The following PURG variants were observed in gnomAD, a reference collection of about 807,000 sequenced individuals.
PURG encodes the protein purine rich element binding protein G.
Under a neutral mutation model 24.3 loss-of-function variants are expected in PURG, and 3 were observed. That is an observed-to-expected ratio of 0.12 (90% confidence interval 0.06 to 0.32). PURG has a LOEUF of 0.32. PURG is among the 10% of genes least tolerant of loss of function. The pLI, the probability that PURG is intolerant of heterozygous loss-of-function variation, is 1.00. For missense variants in PURG, 371 were observed against 439.1 expected (o/e 0.84, Z 1.39); for synonymous variants, 180 against 173.1 (o/e 1.04, Z -0.31).
Position 31,025,727 on chromosome 8 carries a change from T to C in PURG, c.864+6192A>G, listed in dbSNP as rs142170606. 1.2e-4 allele frequency among the ~76,000 whole-genome samples: 19 copies of C among 152,122 alleles called. No homozygotes were observed. In the East Asian group the frequency reaches 3.7e-3, roughly 29 times the overall value. On this transcript the variant is annotated intron_variant, in intron 1 of 1. Transcript: ENST00000339382. The stretch of plus-strand genomic sequence containing the variant: ...CTTGATGGGAATGAAAAGAGAATTA[T>C]GATTTTTGGGGACGGGTGCTCACAA...
chr8:31,027,483 A>C (rs1404417025), downstream of PURG, among the ~76,000 whole-genome samples: 1 of 151,760 alleles, frequency 6.6e-6, no homozygotes, highest in Non-Finnish European at 1.5e-5. Context: ...CATAAACCCA[A>C]ATTTAAAGGA....
At chr8:31,022,132 G>A (rs761952913) in intron 1 of PURG, among the ~76,000 whole-genome samples, 3 of 152,024 alleles carry the variant, frequency 2.0e-5, no homozygotes, top group Non-Finnish European at 4.4e-5. Flanking sequence ...CACCATGCCT[G>A]GCTAATTTTG....
intron 1 of PURG, among the ~76,000 whole-genome samples, chr8:31,008,407 G>T (rs553293527): frequency 3.3e-5 from 5 of 152,128 alleles, no homozygotes; most frequent in African/African-American, 1.2e-4. Flanking sequence ...GGGTTCAAGC[G>T]ATTCTCCTGA....
At chr8:31,009,190 C>G (rs1810717450) in intron 1 of PURG, among the ~76,000 whole-genome samples, 1 of 152,112 alleles carries the variant, frequency 6.6e-6, no homozygotes, top group Non-Finnish European at 1.5e-5. Flanking sequence ...TTTGGGAGGT[C>G]AAAATGGGTG....
chr8:30,999,504 G>A (rs1810494248), intron 1 of PURG, among the ~76,000 whole-genome samples: 1 of 151,760 alleles, frequency 6.6e-6, no homozygotes, highest in East Asian at 1.9e-4. Context: ...TAGAAAAACA[G>A]GAATTACCAG....
intron 1 of PURG, among the ~76,000 whole-genome samples, chr8:31,009,148 G>C (rs1385393470): frequency 6.6e-6 from 1 of 152,172 alleles, no homozygotes. Context: ...AATTCGGACA[G>C]GTGCAGTGGC....
downstream of PURG, among the ~76,000 whole-genome samples, chr8:31,025,896 C>A (rs1254340426): frequency 1.3e-5 from 2 of 151,924 alleles, no homozygotes; most frequent in Non-Finnish European, 2.9e-5. Context: ...AGTTTTTACT[C>A]ATTCCCCAAA....
At chr8:31,028,215 T>C (rs745400192), downstream of PURG, among the ~76,000 whole-genome samples, 7 of 151,866 alleles carry the variant, frequency 4.6e-5, no homozygotes. Flanking sequence ...AGACATCAAA[T>C]GTGAACTCTA....
chr8:31,021,420 T>C (rs2129826170), intron 1 of PURG, among the ~76,000 whole-genome samples: 1 of 152,294 alleles, frequency 6.6e-6, no homozygotes, highest in Middle Eastern at 3.4e-3. Flanking sequence ...AAATAGTTGA[T>C]CAAGATTAGA....
In PURG at chr8:31,032,746, G is replaced by A. The variant is rs566964162; in HGVS notation, c.37C>T (p.Arg13Cys). ...RARRRGGGGG[R>C]GRGGKNVGGS... ...CCTACATTCTTGCCTCCGCGGCCGC[G>A]GCCGCCGCCGCCTCCCCTTCGCCTG... The change falls in exon 2 of 2, where the codon CGC (arginine) becomes TGC (cysteine). Residue 13 changes from arginine (R) to cysteine (C), a missense_variant. Transcript: ENST00000523392. This position sits in a 1 kb window ranked among gnomAD's most constrained non-coding sequence, Gnocchi z 5.9. 4 of 1,436,408 alleles carry A rather than the reference G, an allele frequency of 2.8e-6. No individual in the cohort carries two copies. Among genetic ancestry groups the A allele is most frequent in the South Asian group, 1.6e-5 (1 of 63,368 alleles). The allele number at this position is 1,436,408 out of a possible 1,614,324, so 89.0% of individuals were successfully genotyped here. A position where few individuals can be genotyped will look rare whatever the true frequency, so the allele number is the denominator to read the frequency against.
chr8:30,996,408 T>C, exon 2 of PURG: 1 of 463,500 alleles, frequency 2.2e-6, no homozygotes, highest in Non-Finnish European at 3.8e-6. Flanking sequence ...AGTCGAAAGG[T>C]ACTTCAATGT....
At chr8:31,013,702 A>T (rs1810805010) in intron 1 of PURG, among the ~76,000 whole-genome samples, 1 of 152,218 alleles carries the variant, frequency 6.6e-6, no homozygotes, top group African/African-American at 2.4e-5. Context: ...GCGCCACTGC[A>T]CTCCAGCCTG....
intron 1 of PURG, among the ~76,000 whole-genome samples, chr8:31,002,469 T>A (rs376502997): frequency 1.8e-4 from 27 of 152,314 alleles, no homozygotes; most frequent in East Asian, 1.7e-3. Context: ...AATGATACCA[T>A]GTAAAATATT....
At chr8:31,028,340 T>C (rs1489739659), downstream of PURG, among the ~76,000 whole-genome samples, 1 of 151,776 alleles carries the variant, frequency 6.6e-6, no homozygotes, top group Non-Finnish European at 1.5e-5. Flanking sequence ...CACAAACATA[T>C]GCATGCACGG....
At chr8:30,999,287 T>C (rs996151283) in intron 1 of PURG, among the ~76,000 whole-genome samples, 1 of 151,928 alleles carries the variant, frequency 6.6e-6, no homozygotes, top group Non-Finnish European at 1.5e-5. Flanking sequence ...AAAGTTTGAA[T>C]ATTCTTTTTC....
chr8:31,027,781 T>G (rs549360923), downstream of PURG, among the ~76,000 whole-genome samples: 79 of 151,866 alleles, frequency 5.2e-4, no homozygotes, highest in Middle Eastern at 6.8e-3. Flanking sequence ...AACAGTTATC[T>G]AGTTTTCAAA....
intron 1 of PURG, among the ~76,000 whole-genome samples, chr8:30,999,769 A>G (rs1354324444): frequency 6.6e-6 from 1 of 152,004 alleles, no homozygotes; most frequent in Admixed American, 6.6e-5. Context: ...AAATATAATC[A>G]AGGAGATGAT....
At chr8:31,004,742 A>G (rs1370848684) in intron 1 of PURG, among the ~76,000 whole-genome samples, 1 of 152,226 alleles carries the variant, frequency 6.6e-6, no homozygotes, top group Non-Finnish European at 1.5e-5. Context: ...AAGTCAAAGC[A>G]GAACTATAAA....
downstream of PURG, among the ~76,000 whole-genome samples, chr8:31,027,496 G>A (rs1811113116): frequency 6.6e-6 from 1 of 151,724 alleles, no homozygotes; most frequent in South Asian, 2.1e-4. Context: ...TTAAAGGAAT[G>A]ATAATACATA....
Sources: gnomAD v4.1 joint callset for allele counts (sites outside exome capture counted in the v4.1 genomes callset) on GRCh38, gnomAD v4.1.1 for gene constraint, Gnocchi (gnomAD v3.1) non-coding constraint, MANE v1.5 for transcripts, NCBI Gene and HGNC (gene_info 2026-07-23, HGNC 2026-07-21) for gene names.